Variants in RALGAPA2 observed in about 807,000 individuals in gnomAD.
RALGAPA2 encodes Ral GTPase activating protein catalytic subunit alpha 2, also known as ral GTPase-activating protein subunit alpha-2.
RALGAPA2 carries 139 observed loss-of-function variants against 230.4 expected under a neutral mutation model. That is an observed-to-expected ratio of 0.60 (90% CI 0.53 to 0.69). RALGAPA2 has a LOEUF of 0.69. Among genes scored for constraint, RALGAPA2 ranks in the 30% least tolerant of loss-of-function variants. The probability of loss-of-function intolerance (pLI) is 0.00; values close to 1 mark genes in which losing one functional copy is unlikely to be tolerated. For missense variants in RALGAPA2, 2,163 were observed against 2,276.0 expected (o/e 0.95, Z 1.01); for synonymous variants, 847 against 837.8 (o/e 1.01, Z -0.19).
chr20:20,458,469 A>ATAATACATATGTATTTTATATATATT (rs1487852774), intron 37 of RALGAPA2, among the ~76,000 whole-genome samples: 2 of 109,326 alleles, frequency 1.8e-5, no homozygotes, highest in Non-Finnish European at 3.4e-5. Context: ...TATTTTATAT[A>ATAATACATATGTATTTTATATATATT]ATATATAATA....
intron 23 of RALGAPA2, among the ~76,000 whole-genome samples, chr20:20,553,612 TGAA>T (rs1483241155): frequency 5.3e-5 from 8 of 151,980 alleles, no homozygotes; most frequent in Admixed American, 6.6e-5. Flanking sequence ...AGAACTGCCA[TGAA>T]GAAGACACTG....
At chr20:20,635,920 G>A (rs2146470141) in intron 8 of RALGAPA2, among the ~76,000 whole-genome samples, 1 of 152,212 alleles carries the variant, frequency 6.6e-6, no homozygotes, top group East Asian at 1.9e-4. Flanking sequence ...GACTATAATA[G>A]TAAACATCTT....
In RALGAPA2 at chr20:20,503,526, A is replaced by G; in HGVS notation, c.5053-20T>C. 1 of 1,512,454 alleles carries G rather than the reference A, an allele frequency of 6.6e-7. No individual in the cohort carries two copies. Among genetic ancestry groups the G allele is most frequent in the South Asian group, 1.3e-5 (1 of 76,864 alleles). 93.7% of individuals were successfully genotyped at this position (1,512,454 alleles called of 1,614,324 possible). A position where few individuals can be genotyped will look rare whatever the true frequency, so the allele number is the denominator to read the frequency against. ...ATCCACCTGACAAAGGTCACAAAGA[A>G]GAAAGAGTGAGGATCAAAAATGAGC... On this transcript the variant is annotated intron_variant, in intron 34 of 39. Coordinates refer to ENST00000202677, the MANE Select transcript of RALGAPA2 (RefSeq NM_020343.4).
Position 20,680,818 on chromosome 20 carries a change from T to C in RALGAPA2, c.107-17A>G, listed in dbSNP as rs1391605486. On this transcript the variant is annotated splice_polypyrimidine_tract_variant and intron_variant, in intron 1 of 39. Coordinates refer to ENST00000202677, the MANE Select transcript of RALGAPA2 (RefSeq NM_020343.4). The stretch of plus-strand genomic sequence containing the variant: ...CCACATTATCTGAAAAGAAAAAGTT[T>C]CCATTTATGACAATTCACTTTATAA... The C allele has an allele frequency of 6.4e-7, 1 of 1,550,444 alleles. No individual in the cohort carries two copies. The highest frequency in any genetic ancestry group is 1.2e-5 in the South Asian group (1 of 80,026).
At chr20:20,571,273 A>C (rs146083889) in intron 23 of RALGAPA2, among the ~76,000 whole-genome samples, 185 bp downstream of exon 23, 2 of 152,372 alleles carry the variant, frequency 1.3e-5, no homozygotes, top group African/African-American at 2.4e-5. Flanking sequence ...TGGGGAGAAG[A>C]AGCAGGGATG....
chr20:20,440,098 TA>T (rs901972529), intron 37 of RALGAPA2, among the ~76,000 whole-genome samples: 1 of 152,090 alleles, frequency 6.6e-6, no homozygotes, highest in Non-Finnish European at 1.5e-5. Context: ...CAGCAGCACT[TA>T]AAAAAAATTA....
At chr20:20,691,576 G>A (rs1336296978) in intron 1 of RALGAPA2, among the ~76,000 whole-genome samples, 2 of 152,112 alleles carry the variant, frequency 1.3e-5, no homozygotes, top group African/African-American at 4.8e-5. Flanking sequence ...AAAGCATCCA[G>A]TCCAATCAGG....
intron 16 of RALGAPA2, among the ~76,000 whole-genome samples, chr20:20,596,615 T>A (rs1225270005): frequency 6.6e-6 from 1 of 152,228 alleles, no homozygotes; most frequent in Non-Finnish European, 1.5e-5. Flanking sequence ...ACCAATGGCA[T>A]CAGGCTAAGA....
chr20:20,504,878 A>T, intron 34 of RALGAPA2: 1 of 541,610 alleles, frequency 1.8e-6, no homozygotes, highest in Non-Finnish European at 2.4e-6. Context: ...AAATGTATAT[A>T]TGTCTGTATG....
At chr20:20,510,370 A>G (rs2062666303) in intron 33 of RALGAPA2, among the ~76,000 whole-genome samples, 2 of 152,226 alleles carry the variant, frequency 1.3e-5, no homozygotes, top group Admixed American at 1.3e-4. Flanking sequence ...ATAGATCAAA[A>G]CAGATTTGAA....
At chr20:20,684,406 A>C (rs909274109) in intron 1 of RALGAPA2, among the ~76,000 whole-genome samples, 1 of 152,222 alleles carries the variant, frequency 6.6e-6, no homozygotes, top group Non-Finnish European at 1.5e-5. Context: ...TCAGCAAACC[A>C]AACAAAGAGG....
intron 23 of RALGAPA2, among the ~76,000 whole-genome samples, chr20:20,558,780 C>G (rs1023442145): frequency 6.7e-6 from 1 of 149,178 alleles, no homozygotes; most frequent in Non-Finnish European, 1.5e-5. Context: ...GGCTTCTGTG[C>G]TCATTTATCT....
In RALGAPA2 at chr20:20,601,839, A is replaced by G; in HGVS notation, c.2046T>C (p.Val682=). 1.3e-6 allele frequency: 2 copies of G among 1,593,426 alleles called. No homozygotes were observed. Among genetic ancestry groups the G allele is most frequent in the Non-Finnish European group, 1.7e-6 (2 of 1,172,222 alleles). The change falls in exon 16 of 40, where the codon GTT becomes GTC. Residue 682 remains valine, a synonymous_variant. Coordinates refer to ENST00000202677, the MANE Select transcript of RALGAPA2 (RefSeq NM_020343.4). ...CGGTGGTTCCTTTCTGAGGATCTAG[A>G]ACACAGCCTGATAAAGGAAAAGAAA... ...KEKKQRGKGC[V]LDPQKGTTVG...
chr20:20,583,229 G>A lies in RALGAPA2; in HGVS notation c.2531-3C>T. The A allele has an allele frequency of 1.3e-6, 2 of 1,583,020 alleles. No individual in the cohort carries two copies. Among genetic ancestry groups the A allele is most frequent in the Non-Finnish European group, 1.7e-6 (2 of 1,165,526 alleles). Reference sequence around the variant, plus strand: ...TGTGTCACTGTTGGTACTTTCACCTGGTACAATGGAAGAACCAAAGTTTAA... The same window carrying A: ...TGTGTCACTGTTGGTACTTTCACCTAGTACAATGGAAGAACCAAAGTTTAA... On this transcript the variant is annotated splice_polypyrimidine_tract_variant and splice_region_variant and intron_variant, in intron 19 of 39. Transcript: ENST00000202677.
intron 3 of RALGAPA2, among the ~76,000 whole-genome samples, chr20:20,670,879 G>A (rs1415042506): frequency 3.3e-5 from 5 of 150,942 alleles, no homozygotes; most frequent in Admixed American, 1.3e-4. Flanking sequence ...GAACCCAGAA[G>A]GTAGAGGTTG....
chr20:20,608,683 C>A (rs1476031777), intron 14 of RALGAPA2, among the ~76,000 whole-genome samples: 2 of 152,152 alleles, frequency 1.3e-5, no homozygotes, highest in Non-Finnish European at 2.9e-5. Flanking sequence ...AGCGTGGGAC[C>A]AAGATGATGC....
At chr20:20,612,089 G>A (rs6046963) in intron 13 of RALGAPA2, among the ~76,000 whole-genome samples, 1 of 152,282 alleles carries the variant, frequency 6.6e-6, no homozygotes, top group South Asian at 2.1e-4. Context: ...TTATGTAAAA[G>A]GACTTTGAAG....
At chr20:20,692,963 A>G (rs1162745527) in intron 1 of RALGAPA2, among the ~76,000 whole-genome samples, 5 of 152,272 alleles carry the variant, frequency 3.3e-5, no homozygotes, top group African/African-American at 1.2e-4. Flanking sequence ...TTGTAGGCAG[A>G]CAGCTGAAAT....
At chr20:20,637,926 G>C (rs1287061328) in intron 7 of RALGAPA2, among the ~76,000 whole-genome samples, 2 of 151,924 alleles carry the variant, frequency 1.3e-5, no homozygotes, top group Non-Finnish European at 2.9e-5. Flanking sequence ...TCCCTCTCAA[G>C]AATTTCAACC....
Sources: allele counts gnomAD v4.1 joint callset (sites outside exome capture counted in the v4.1 genomes callset), GRCh38; gene constraint gnomAD v4.1.1; transcripts MANE v1.5; gene names NCBI Gene and HGNC (gene_info 2026-07-23, HGNC 2026-07-21).